The following VPS50 variants were observed in gnomAD, a reference collection of about 807,000 sequenced individuals.
VPS50 encodes the protein syndetin.
VPS50 carries 70 observed loss-of-function variants against 139.7 expected under a neutral mutation model. The ratio of observed to expected loss-of-function variants is 0.50; its 90% CI spans 0.41 to 0.61. VPS50 has a LOEUF of 0.61. Ranked by LOEUF, VPS50 falls within the 20% of genes least tolerant of loss-of-function variation. The probability of loss-of-function intolerance (pLI) is 0.00; values close to 1 mark genes in which losing one functional copy is unlikely to be tolerated. For missense variants in VPS50, 921 were observed against 1,133.7 expected (o/e 0.81, Z 2.69); for synonymous variants, 365 against 376.7 (o/e 0.97, Z 0.36).
intron 20 of VPS50, among the ~76,000 whole-genome samples, chr7:93,314,670 G>GA (rs1010027646): frequency 6.6e-6 from 1 of 152,062 alleles, no homozygotes. Context: ...TTAGTAGCTA[G>GA]AAAAAATATA....
intron 2 of VPS50, among the ~76,000 whole-genome samples, chr7:93,246,340 C>G (rs1450670483): frequency 6.6e-6 from 1 of 151,740 alleles, no homozygotes; most frequent in East Asian, 1.9e-4. Flanking sequence ...GCTATATAAG[C>G]ACTATATTCT....
At chr7:93,309,731 A>G (rs1279387649) in intron 19 of VPS50, among the ~76,000 whole-genome samples, 4 of 151,964 alleles carry the variant, frequency 2.6e-5, no homozygotes, top group African/African-American at 9.7e-5. Context: ...GATAATTATA[A>G]GAGAATTTTT....
intron 12 of VPS50, among the ~76,000 whole-genome samples, chr7:93,287,096 T>C (rs1376206604): frequency 6.6e-6 from 1 of 151,990 alleles, no homozygotes; most frequent in Non-Finnish European, 1.5e-5. Flanking sequence ...GTTTGTTCCT[T>C]TTTTAGAATA....
intron 16 of VPS50, among the ~76,000 whole-genome samples, chr7:93,301,448 TTGG>T (rs1293901002): frequency 6.6e-6 from 1 of 152,310 alleles, no homozygotes; most frequent in East Asian, 1.9e-4. Context: ...TCTTACCTTT[TTGG>T]TGTTGTCATA....
intron 14 of VPS50, among the ~76,000 whole-genome samples, chr7:93,294,897 A>G (rs1408385645): frequency 3.9e-5 from 6 of 152,180 alleles, no homozygotes; most frequent in Non-Finnish European, 8.8e-5. Flanking sequence ...AGGCCTAGCA[A>G]ATTTCCACTA....
intron 20 of VPS50, among the ~76,000 whole-genome samples, chr7:93,322,395 C>T (rs1472741052): frequency 6.6e-6 from 1 of 151,432 alleles, no homozygotes; most frequent in Non-Finnish European, 1.5e-5. Flanking sequence ...GTCAGGAGAT[C>T]GAGACCATCC....
intron 2 of VPS50, among the ~76,000 whole-genome samples, chr7:93,243,135 A>G (rs1055492781): frequency 5.9e-5 from 9 of 152,128 alleles, no homozygotes; most frequent in Admixed American, 2.6e-4. Context: ...ATGGTAATCT[A>G]TATACTGGAA....
chr7:93,353,887 ATAAT>A lies in VPS50; in HGVS notation c.2585+129_2585+132del, dbSNP rs1054000807. On this transcript the variant is annotated intron_variant, in intron 26 of 27. Transcript: ENST00000305866. ...AACAACTAGCAGACAAGTTTGGGAT[ATAAT>A]TAGAGAAGAAACCTTAGACCCCACT... 1.7e-5 allele frequency: 13 copies of A among 744,594 alleles called. No individual in the cohort carries two copies. The African/African-American group carries it at 2.3e-4, about 13-fold the overall frequency. The allele number at this position is 744,594 out of a possible 1,614,324, so 46.1% of individuals were successfully genotyped here. A position where few individuals can be genotyped will look rare whatever the true frequency, so the allele number is the denominator to read the frequency against.
In VPS50 at chr7:93,342,221, G is replaced by T. The variant is rs185489738; in HGVS notation, c.2207+646G>T. Among the ~76,000 whole-genome samples the T allele has an allele frequency of 2.2e-4, 33 of 152,302 alleles. No homozygotes were observed. The East Asian group carries it at 5.2e-3, about 24-fold the overall frequency. On this transcript the variant is annotated intron_variant, in intron 23 of 27. Transcript: ENST00000305866. ...TAGTCAAAGAAAGTGGTGACAGACGGCACCTGCAAATCTGGGTCACTCCCA... is the reference window on the plus strand; with the variant it reads ...TAGTCAAAGAAAGTGGTGACAGACGTCACCTGCAAATCTGGGTCACTCCCA...
At chr7:93,297,974 T>C (rs762783977) in intron 16 of VPS50, among the ~76,000 whole-genome samples, 1 of 152,198 alleles carries the variant, frequency 6.6e-6, no homozygotes, top group Non-Finnish European at 1.5e-5. Flanking sequence ...TAAGTTTTGA[T>C]TTCCTTGTTA....
chr7:93,240,253 T>TCACACACA (rs1283076855), intron 2 of VPS50, among the ~76,000 whole-genome samples: 7 of 139,392 alleles, frequency 5.0e-5, no homozygotes, highest in Admixed American at 4.9e-4. Context: ...ACACACACTC[T>TCACACACA]CTCTCTCTCT....
intron 20 of VPS50, chr7:93,323,266 GTTGT>G (rs1026684322): frequency 2.0e-5 from 3 of 152,310 alleles, no homozygotes; most frequent in African/African-American, 4.8e-5. Context: ...GAGAACCAAT[GTTGT>G]TTGTTTGTAC....
At chr7:93,272,393 T>A (rs1422230352) in intron 10 of VPS50, among the ~76,000 whole-genome samples, 1 of 151,844 alleles carries the variant, frequency 6.6e-6, no homozygotes, top group East Asian at 1.9e-4. Flanking sequence ...ACACTAGGCA[T>A]GGGTTTTAAG....
At chr7:93,273,746 C>T (rs1796076607) in intron 11 of VPS50, among the ~76,000 whole-genome samples, 1 of 152,046 alleles carries the variant, frequency 6.6e-6, no homozygotes, top group Admixed American at 6.6e-5. Context: ...TTTTATTACA[C>T]TTCACTTTAT....
chr7:93,315,125 GT>G (rs1797387637), intron 20 of VPS50, among the ~76,000 whole-genome samples: 1 of 151,206 alleles, frequency 6.6e-6, no homozygotes, highest in Non-Finnish European at 1.5e-5. Context: ...TTGTTGTTTT[GT>G]TTCAAAAATT....
chr7:93,263,135 A>G (rs1391481784), intron 9 of VPS50, among the ~76,000 whole-genome samples: 3 of 151,292 alleles, frequency 2.0e-5, no homozygotes, highest in East Asian at 1.9e-4. Context: ...AGTTGGGCCT[A>G]CTCATACAGG....
At chr7:93,293,433 A>G (rs1371446082) in intron 13 of VPS50, among the ~76,000 whole-genome samples, 2 of 152,298 alleles carry the variant, frequency 1.3e-5, no homozygotes, top group Middle Eastern at 3.4e-3. Flanking sequence ...TGAAAACTCT[A>G]TCTGATCCTT....
At chr7:93,310,163 T>C (rs957473307) in intron 19 of VPS50, among the ~76,000 whole-genome samples, 2 of 152,014 alleles carry the variant, frequency 1.3e-5, no homozygotes, top group Non-Finnish European at 2.9e-5. Flanking sequence ...ACAAGTAAGA[T>C]AGTGTCTGCC....
chr7:93,259,728 AGTGTT>A (rs1323464594), intron 9 of VPS50, 96 bp downstream of exon 9: 6 of 649,248 alleles, frequency 9.2e-6, no homozygotes, highest in East Asian at 2.7e-5. Flanking sequence ...ATTAGTATAA[AGTGTT>A]GTGTTCTAGT....
Sources: allele counts gnomAD v4.1 joint callset (sites outside exome capture counted in the v4.1 genomes callset), GRCh38; gene constraint gnomAD v4.1.1; transcripts MANE v1.5; gene names NCBI Gene and HGNC (gene_info 2026-07-23, HGNC 2026-07-21).